The following ABCC12 variants were observed in gnomAD, a reference collection of about 807,000 sequenced individuals.
ABCC12 encodes the protein ATP binding cassette subfamily C member 12, also known as ATP-binding cassette sub-family C member 12.
ABCC12 carries 142 observed loss-of-function variants against 151.1 expected under a neutral mutation model. The ratio of observed to expected loss-of-function variants is 0.94; its 90% CI spans 0.82 to 1.08. ABCC12 has a LOEUF of 1.08. ABCC12 is among the 50% of genes least tolerant of loss of function. The pLI is 0.00. For missense variants in ABCC12, 1,638 were observed against 1,691.1 expected, an observed-to-expected ratio of 0.97 and a Z score of 0.55; for synonymous variants, 645 against 646.4, an observed-to-expected ratio of 1.00 and a Z score of 0.03.
rs780914744 is a variant in ABCC12, at chr16:48,085,646, C to A, written c.3775G>T (p.Val1259Leu). ...EVTENGENFS[V>L]GERQLLCVAR... ...ACACAAAGCAGCTGACGTTCCCCTA[C>A]TGAGAAGTTTTCTCCATTTTCTGTG... Residue 1259 changes from valine to leucine, a missense_variant, in exon 29 of 31, where the codon GTA (valine) becomes TTA (leucine). Transcript: ENST00000311303. 6.2e-7 allele frequency: 1 copy of A among 1,614,186 alleles called. No individual in the cohort carries two copies. Among genetic ancestry groups the A allele is most frequent in the Admixed American group, 1.7e-5 (1 of 60,014 alleles).
intron 2 of ABCC12, chr16:48,146,677 G>T: frequency 2.4e-6 from 1 of 410,790 alleles, no homozygotes. Flanking sequence ...TTATTAGTAG[G>T]ACCATTTAAT....
intron 3 of ABCC12, among the ~76,000 whole-genome samples, chr16:48,144,875 C>T (rs984643385): frequency 1.3e-5 from 2 of 152,136 alleles, no homozygotes; most frequent in Non-Finnish European, 2.9e-5. Flanking sequence ...TTCATATATT[C>T]CTCACAACAA....
rs1367779494 is a variant in ABCC12 at position 48,141,281 on chromosome 16, C to T, written c.348G>A (p.Trp116Ter). 3 of 1,614,114 alleles carry T rather than the reference C, an allele frequency of 1.9e-6. No homozygotes were observed. Among genetic ancestry groups the T allele is most frequent in the Non-Finnish European group, 2.5e-6 (3 of 1,180,056 alleles). Residue 116 changes from tryptophan to a stop codon, truncating the protein, a stop_gained, in exon 5 of 31, where the codon TGG becomes TGA. Coordinates refer to ENST00000311303, the MANE Select transcript of ABCC12 (RefSeq NM_001393797.1). LOFTEE classifies it high-confidence loss of function. Reference sequence around the variant, plus strand: ...TCAACACGCGTGTCCTCTGGAATTTCCACACCACGTGGCTCAGAGAGGCCT... The same window carrying T: ...TCAACACGCGTGTCCTCTGGAATTTTCACACCACGTGGCTCAGAGAGGCCT... The part of the protein sequence containing the change: ...PEKASLSHVV[W>*]KFQRTRVLMD...
intron 23 of ABCC12, among the ~76,000 whole-genome samples, chr16:48,097,978 G>C (rs976581692): frequency 6.6e-6 from 1 of 152,074 alleles, no homozygotes; most frequent in African/African-American, 2.4e-5. Context: ...TCTTCCTGCT[G>C]TCCCCTCCCC....
At chr16:48,152,670 C>T (rs146012375) in intron 2 of ABCC12, among the ~76,000 whole-genome samples, 135 of 152,338 alleles carry the variant, frequency 8.9e-4, no homozygotes, top group South Asian at 2.5e-3. Flanking sequence ...CCCACCAGAT[C>T]GGGCCTCAAC....
chr16:48,106,747 GC>G (rs1963506265), intron 20 of ABCC12, among the ~76,000 whole-genome samples: 2 of 152,146 alleles, frequency 1.3e-5, no homozygotes, highest in South Asian at 4.1e-4. Flanking sequence ...GAGACCATTG[GC>G]CAAAAGCTGG....
At chr16:48,141,695 T>C (rs138929804) in intron 4 of ABCC12, among the ~76,000 whole-genome samples, 27 of 152,268 alleles carry the variant, frequency 1.8e-4, no homozygotes, top group Admixed American at 1.0e-3. Flanking sequence ...GCGAAGACAT[T>C]GTTCATTTCA....
Position 48,116,416 on chromosome 16 carries a change from C to A in ABCC12, c.1786-798G>T, listed in dbSNP as rs370128583. Among the ~76,000 whole-genome samples the A allele has an allele frequency of 3.3e-5, 5 of 152,282 alleles. No individual in the cohort carries two copies. The South Asian group carries it at 1.0e-3, about 32-fold the overall frequency. ...AGAGCATCAGTAGAGTACTTTGTGG[C>A]AAATTATTCAGGTGGTGGGACTTGG... On this transcript the variant is annotated intron_variant, in intron 14 of 30. Transcript: ENST00000311303.
intron 13 of ABCC12, among the ~76,000 whole-genome samples, chr16:48,120,561 T>G (rs865922882): frequency 1.5e-4 from 23 of 151,448 alleles, no homozygotes; most frequent in Admixed American, 4.6e-4. Flanking sequence ...GTTTTTTGTT[T>G]TTTTTTTTTT....
intron 12 of ABCC12, among the ~76,000 whole-genome samples, chr16:48,123,149 T>C (rs569714544): frequency 1.3e-5 from 2 of 152,288 alleles, no homozygotes; most frequent in African/African-American, 4.8e-5. Flanking sequence ...CCAATATACA[T>C]CAAAACTCTC....
chr16:48,110,889 C>T (rs1963662031), intron 18 of ABCC12, among the ~76,000 whole-genome samples: 2 of 152,214 alleles, frequency 1.3e-5, no homozygotes, highest in South Asian at 4.1e-4. Context: ...TTCTTACTCT[C>T]CTCAGCCCAG....
At position 48,084,789 on chromosome 16, in the gene ABCC12, G is replaced by A. The variant is rs1326854996; in HGVS notation, c.3829-716C>T. On this transcript the variant is annotated intron_variant, in intron 29 of 30. Transcript: ENST00000311303. ...AAAGTCTCGGAGGAACATGTTCGCA[G>A]GTTCCAAAAATCAGGACATTAACAT... is the stretch of plus-strand genomic sequence containing the variant. Among the ~76,000 whole-genome samples, 10 of 152,280 alleles carry A rather than the reference G, an allele frequency of 6.6e-5. No individual in the cohort carries two copies. The East Asian group carries it at 1.7e-3, about 26-fold the overall frequency.
intron 4 of ABCC12, among the ~76,000 whole-genome samples, chr16:48,142,166 G>A (rs1297705766): frequency 6.6e-6 from 1 of 151,864 alleles, no homozygotes; most frequent in Non-Finnish European, 1.5e-5. Flanking sequence ...AAAAGCAGAA[G>A]AGGAGAGGAA....
chr16:48,131,074 C>T (rs1484716276), intron 9 of ABCC12, among the ~76,000 whole-genome samples, 179 bp from the exon 10 acceptor site: 2 of 152,232 alleles, frequency 1.3e-5, no homozygotes, highest in African/African-American at 4.8e-5. Context: ...CTGGGGACAG[C>T]AGCATCTTAA....
chr16:48,131,348 C>T lies in ABCC12; in HGVS notation c.1129-453G>A, dbSNP rs909599451. Among the ~76,000 whole-genome samples the T allele has an allele frequency of 3.3e-5, 5 of 152,142 alleles. No individual in the cohort carries two copies. In the South Asian group the frequency reaches 6.2e-4, roughly 19 times the overall value. On this transcript the variant is annotated intron_variant, in intron 9 of 30. Transcript: ENST00000311303. ...CACACCACAGCCTCAGGCATGCAGCCGGAGGCTCCCTGGAGGGACCTGCTT... is the reference window on the plus strand; with the variant it reads ...CACACCACAGCCTCAGGCATGCAGCTGGAGGCTCCCTGGAGGGACCTGCTT...
rs115811612 is a variant in ABCC12 at position 48,105,419 on chromosome 16, G to A, written c.2476-83C>T. The A allele has an allele frequency of 1.6e-3, 2,174 of 1,353,580 alleles. 25 individuals are homozygous for A. In the African/African-American group the frequency reaches 0.029, roughly 18 times the overall value. The allele number at this position is 1,353,580 out of a possible 1,614,324, so 83.8% of individuals were successfully genotyped here. A position where few individuals can be genotyped will look rare whatever the true frequency, so the allele number is the denominator to read the frequency against. Reference sequence around the variant, plus strand: ...GAATTTTCCGGAGAATCTTTCCAGAGAGAAGAAACTAAGAAGAAGCACATG... The same window carrying A: ...GAATTTTCCGGAGAATCTTTCCAGAAAGAAGAAACTAAGAAGAAGCACATG... On this transcript the variant is annotated intron_variant, in intron 20 of 30. Transcript: ENST00000311303.
At chr16:48,139,987 A>G (rs1964749647) in intron 6 of ABCC12, among the ~76,000 whole-genome samples, 1 of 152,232 alleles carries the variant, frequency 6.6e-6, no homozygotes, top group South Asian at 2.1e-4. Flanking sequence ...ACCCTGCATT[A>G]TTCCCTTCTA....
chr16:48,110,365 G>A (rs915040573), intron 18 of ABCC12, among the ~76,000 whole-genome samples: 1 of 152,030 alleles, frequency 6.6e-6, no homozygotes, highest in Non-Finnish European at 1.5e-5. Flanking sequence ...CTTTAAAAAT[G>A]GATGGCATCT....
At chr16:48,131,957 C>T (rs1281440642) in intron 9 of ABCC12, among the ~76,000 whole-genome samples, 1 of 152,220 alleles carries the variant, frequency 6.6e-6, no homozygotes, top group Admixed American at 6.5e-5. Context: ...CCTGATGTGA[C>T]TGAATACCCT....
Sources: gnomAD v4.1 joint callset for allele counts (sites outside exome capture counted in the v4.1 genomes callset) on GRCh38, gnomAD v4.1.1 for gene constraint, MANE v1.5 for transcripts, NCBI Gene and HGNC (gene_info 2026-07-23, HGNC 2026-07-21) for gene names.